Variants in WAC observed in about 807,000 individuals in gnomAD.
The protein encoded by WAC is WW domain-containing adapter protein with coiled-coil.
A neutral mutation model predicts 79.6 loss-of-function variants in WAC; 11 were observed. The observed-to-expected ratio is 0.14, with a 90% CI of 0.09 to 0.23. WAC has a LOEUF of 0.23. Ranked by LOEUF, WAC falls within the 10% of genes least tolerant of loss-of-function variation. The pLI is 1.00. For missense variants in WAC, 728 were observed against 773.5 expected (o/e 0.94, Z 0.70); for synonymous variants, 304 against 276.9 (o/e 1.10, Z -0.97).
At chr10:28,565,444 C>T (rs1838549723) in intron 3 of WAC, among the ~76,000 whole-genome samples, 1 of 152,168 alleles carries the variant, frequency 6.6e-6, no homozygotes. Flanking sequence ...TCAATCATAG[C>T]TCACTGCAGC....
At chr10:28,578,019 C>T (rs1263702752) in intron 3 of WAC, among the ~76,000 whole-genome samples, 1 of 152,110 alleles carries the variant, frequency 6.6e-6, no homozygotes, top group Non-Finnish European at 1.5e-5. Context: ...ATTAGTGGGA[C>T]ATGGTAGCGT....
At chr10:28,545,061 T>A (rs1008236584) in intron 3 of WAC, among the ~76,000 whole-genome samples, 29 of 127,212 alleles carry the variant, frequency 2.3e-4, no homozygotes, top group East Asian at 6.8e-4. Context: ...AAAAAAAAAA[T>A]GGTAGTGCAA....
intron 3 of WAC, among the ~76,000 whole-genome samples, chr10:28,557,448 C>CT (rs2132463406): frequency 6.6e-6 from 1 of 152,192 alleles, no homozygotes; most frequent in African/African-American, 2.4e-5. Flanking sequence ...ATAATCCTAG[C>CT]ACATGGGGAG....
intron 2 of WAC, among the ~76,000 whole-genome samples, chr10:28,534,615 G>A (rs1836516238): frequency 2.0e-5 from 3 of 152,204 alleles, no homozygotes; most frequent in Admixed American, 2.0e-4. Context: ...TTCTAGGTAG[G>A]TGGGTTCCTT....
chr10:28,612,000 A>G, intron 10 of WAC, 78 bp downstream of exon 10: 1 of 1,528,006 alleles, frequency 6.5e-7, no homozygotes, highest in Non-Finnish European at 8.9e-7. Context: ...AATCTGTTAT[A>G]GAAAAAGCCC....
chr10:28,551,459 G>T (rs61848479), intron 3 of WAC, among the ~76,000 whole-genome samples: 2,259 of 152,190 alleles, frequency 0.015, 26 homozygotes, highest in Non-Finnish European at 0.024. Flanking sequence ...TATTATAATC[G>T]AGCAGTGGCT....
At chr10:28,576,062 A>C (rs970229021) in intron 3 of WAC, among the ~76,000 whole-genome samples, 1 of 152,204 alleles carries the variant, frequency 6.6e-6, no homozygotes, top group African/African-American at 2.4e-5. Context: ...GTAGTAGACT[A>C]TACCATCTAG....
rs1841683206 is a variant in WAC at position 28,621,273 on chromosome 10, C to CGCT, written c.*1667_*1668insGCT. 1 of 142,408 alleles carries CGCT rather than the reference C, an allele frequency of 7.0e-6. No individual in the cohort carries two copies. The highest frequency in any genetic ancestry group is 2.7e-5 in the African/African-American group (1 of 37,330). 8.8% of individuals were successfully genotyped at this position (142,408 alleles called of 1,614,324 possible). On this transcript the variant is annotated 3_prime_UTR_variant, in exon 14 of 14. Coordinates refer to ENST00000354911, the MANE Select transcript of WAC (RefSeq NM_016628.5). ...ATAAGTGCTTCCAAAACTGGCAGCA[C>CGCT]CAAGGGCTTATTTTTTATGTTAGAC...
Position 28,617,657 on chromosome 10 carries a change from G to T in WAC, c.1747G>T (p.Ala583Ser). 1 of 1,551,768 alleles carries T rather than the reference G, an allele frequency of 6.4e-7. No homozygotes were observed. Among genetic ancestry groups the T allele is most frequent in the Non-Finnish European group, 8.6e-7 (1 of 1,158,864 alleles). The stretch of plus-strand genomic sequence containing the variant: ...GTTTTCTTCATTTCTTTAATTACAG[G>T]CATCAAGATTACGCGAAGAAGCGCA... ...GWPADHAEKQASRLREEAHNM... is the reference protein window; with the variant it reads ...GWPADHAEKQSSRLREEAHNM... Residue 583 changes from alanine (A) to serine (S), a missense_variant and splice_region_variant, in exon 13 of 14, where the codon GCA becomes TCA. Transcript: ENST00000354911.
chr10:28,561,100 C>G (rs1004723069), intron 3 of WAC, among the ~76,000 whole-genome samples: 5 of 152,228 alleles, frequency 3.3e-5, no homozygotes, highest in Non-Finnish European at 2.9e-5. Flanking sequence ...AGATCAGATA[C>G]TGTAATAACT....
chr10:28,599,728 T>A (rs1840548723), intron 7 of WAC, among the ~76,000 whole-genome samples: 1 of 152,160 alleles, frequency 6.6e-6, no homozygotes, highest in Non-Finnish European at 1.5e-5. Context: ...CCTGCATGAG[T>A]AGTCAGAACG....
chr10:28,543,627 G>A (rs958028569), intron 3 of WAC, among the ~76,000 whole-genome samples: 1 of 152,208 alleles, frequency 6.6e-6, no homozygotes, highest in Admixed American at 6.5e-5. Context: ...CTTCTGAAAT[G>A]CCATATTTAT....
At chr10:28,601,067 A>T (rs1341428299) in intron 7 of WAC, among the ~76,000 whole-genome samples, 1 of 152,160 alleles carries the variant, frequency 6.6e-6, no homozygotes, top group African/African-American at 2.4e-5. Flanking sequence ...AGCACAGGCA[A>T]CAAAAGAAAA....
rs1353002457 is a variant in WAC, at chr10:28,621,235, T to C, written c.*1629T>C. On this transcript the variant is annotated 3_prime_UTR_variant, in exon 14 of 14. Transcript: ENST00000354911. ...TGGTGATTTTTTTTTTTTTTTTTTT[T>C]CTGTTGGGGCAGATAAGTGCTTCCA... 2.4e-4 allele frequency: 20 copies of C among 83,868 alleles called. No homozygotes were observed. The East Asian group carries it at 5.2e-3, about 22-fold the overall frequency. 5.2% of individuals were successfully genotyped at this position (83,868 alleles called of 1,614,324 possible). A position where few individuals can be genotyped will look rare whatever the true frequency, so the allele number is the denominator to read the frequency against.
intron 4 of WAC, among the ~76,000 whole-genome samples, chr10:28,587,604 TA>T (rs1327357945): frequency 9.2e-5 from 14 of 152,214 alleles, no homozygotes; most frequent in Admixed American, 9.2e-4. Flanking sequence ...CAATATTAGT[TA>T]CTCTTTTTGT....
chr10:28,583,637 A>G (rs1437097607), intron 4 of WAC, 132 bp downstream of exon 4: 1 of 599,254 alleles, frequency 1.7e-6, no homozygotes, highest in African/African-American at 1.9e-5. Flanking sequence ...CACAGTCTTA[A>G]TGTGTTTATT....
intron 6 of WAC, 121 bp downstream of exon 6, chr10:28,590,953 T>G: frequency 3.5e-6 from 3 of 852,344 alleles, no homozygotes; most frequent in Non-Finnish European, 5.5e-6. Context: ...ACGGAGATTC[T>G]TTTATGTTGG....
chr10:28,596,020 G>A lies in WAC; in HGVS notation c.898G>A (p.Ala300Thr). Residue 300 changes from alanine (A) to threonine (T), a missense_variant, in exon 7 of 14, where the codon GCA becomes ACA. Physicochemically the swap from Ala to Thr is moderately conservative, Grantham distance 58 (BLOSUM62 0). Transcript: ENST00000354911. ...KLPTPTSSVP[A>T]QKTERKESTS... ...GCCTACACCCACATCTTCTGTCCCT[G>A]CACAGAAAACAGAAAGAAAAGGTAT... The A allele has an allele frequency of 3.1e-6, 5 of 1,613,846 alleles. No homozygotes were observed. The South Asian group carries it at 4.4e-5, about 14-fold the overall frequency.
At chr10:28,550,303 T>TA (rs1260735811) in intron 3 of WAC, among the ~76,000 whole-genome samples, 1 of 151,886 alleles carries the variant, frequency 6.6e-6, no homozygotes, top group African/African-American at 2.4e-5. Context: ...TTTTTTTTTT[T>TA]ATGCTGTTGT....
Sources: gnomAD v4.1 joint callset for allele counts (sites outside exome capture counted in the v4.1 genomes callset) on GRCh38, gnomAD v4.1.1 for gene constraint, MANE v1.5 for transcripts, NCBI Gene and HGNC (gene_info 2026-07-23, HGNC 2026-07-21) for gene names.